The following ROBO2 variants were observed in gnomAD, a reference collection of about 807,000 sequenced individuals.
ROBO2 encodes the protein roundabout guidance receptor 2.
In ROBO2, 53 loss-of-function variants were observed where a neutral mutation model predicts 160.8. That is an observed-to-expected ratio of 0.33 (90% confidence interval 0.26 to 0.41). ROBO2 has a LOEUF of 0.41. Among genes scored for constraint, ROBO2 ranks in the 10% least tolerant of loss-of-function variants. The probability of loss-of-function intolerance (pLI) is 1.00; values close to 1 mark genes in which losing one functional copy is unlikely to be tolerated. For synonymous variants in ROBO2, 664 were observed against 611.7 expected (o/e 1.09, Z -1.26); for missense variants, 1,577 against 1,722.4 (o/e 0.92, Z 1.49).
intron 2 of ROBO2, among the ~76,000 whole-genome samples, chr3:76,478,019 T>TTTATTATTATTA (rs147308707): frequency 0.073 from 10,795 of 148,874 alleles, 487 homozygotes; most frequent in Middle Eastern, 0.096. Flanking sequence ...CCGCTACTTC[T>TTTATTATTATTA]TTATTATTAT....
intron 2 of ROBO2, among the ~76,000 whole-genome samples, chr3:75,994,195 A>G (rs1309625210): frequency 2.6e-5 from 4 of 152,212 alleles, no homozygotes; most frequent in Non-Finnish European, 4.4e-5. Flanking sequence ...TCATCAGAGC[A>G]GCTTTTTCCT....
rs566704597 is a variant in ROBO2 at position 76,748,570 on chromosome 3, A to G, written c.110-349444A>G. On this transcript the variant is annotated intron_variant, in intron 2 of 26. Transcript: ENST00000487694. ...TTAAAACATGGAAAAACAACATAAT[A>G]TATTTTGATTAATATAATTATTAAT... Among the ~76,000 whole-genome samples the G allele has an allele frequency of 6.5e-4, 99 of 151,784 alleles. 3 individuals are homozygous for G. The South Asian group carries it at 0.02, about 30-fold the overall frequency.
chr3:77,642,625 T>G (rs1009665238), intron 24 of ROBO2, 46 bp from the exon 26 acceptor site: 1 of 430,964 alleles, frequency 2.3e-6, no homozygotes, highest in African/African-American at 2.1e-5. Flanking sequence ...AACCTGTATT[T>G]TTCATTAAAT....
chr3:77,353,500 T>C (rs1299802883), intron 2 of ROBO2, among the ~76,000 whole-genome samples: 1 of 152,110 alleles, frequency 6.6e-6, no homozygotes, highest in Admixed American at 6.6e-5. Flanking sequence ...TCAAAATAGT[T>C]CTTGCATACC....
At chr3:76,485,675 G>A (rs2079453725) in intron 2 of ROBO2, among the ~76,000 whole-genome samples, 1 of 152,090 alleles carries the variant, frequency 6.6e-6, no homozygotes, top group Non-Finnish European at 1.5e-5. Context: ...TTTCTAAAAT[G>A]TTTCTCACAG....
chr3:76,700,436 T>A (rs1486319057), intron 2 of ROBO2, among the ~76,000 whole-genome samples: 2 of 152,136 alleles, frequency 1.3e-5, no homozygotes, highest in Non-Finnish European at 2.9e-5. Context: ...TGGAAAACTT[T>A]CCAGAGAGAC....
chr3:77,465,660 G>C (rs756054431), intron 2 of ROBO2, among the ~76,000 whole-genome samples: 1 of 152,126 alleles, frequency 6.6e-6, no homozygotes, highest in Non-Finnish European at 1.5e-5. Context: ...TTTGATTAAA[G>C]CATCCATGAG....
chr3:77,550,665 C>T (rs539311260), intron 7 of ROBO2, among the ~76,000 whole-genome samples, 153 bp from the exon 9 acceptor site: 9 of 152,106 alleles, frequency 5.9e-5, no homozygotes, highest in Admixed American at 2.0e-4. Flanking sequence ...TCAGTGAAAC[C>T]CACTGTGTGG....
chr3:76,534,232 G>A (rs767307991), intron 2 of ROBO2, among the ~76,000 whole-genome samples: 11 of 151,890 alleles, frequency 7.2e-5, no homozygotes, highest in Non-Finnish European at 1.0e-4. Context: ...TCAGGTCTAG[G>A]GCTCATTTTT....
At chr3:75,955,690 T>C (rs1484986886) in intron 2 of ROBO2, among the ~76,000 whole-genome samples, 7 of 151,744 alleles carry the variant, frequency 4.6e-5, no homozygotes, top group Non-Finnish European at 7.4e-5. Context: ...GTGTGCTCTA[T>C]ACACTTCATT....
At chr3:76,674,393 T>A (rs1272514750) in intron 2 of ROBO2, among the ~76,000 whole-genome samples, 4 of 151,970 alleles carry the variant, frequency 2.6e-5, no homozygotes, top group African/African-American at 9.7e-5. Flanking sequence ...ACCAGGTCAC[T>A]GTCAGCACTC....
At chr3:76,207,357 T>C (rs1174355282) in intron 2 of ROBO2, among the ~76,000 whole-genome samples, 10 of 152,190 alleles carry the variant, frequency 6.6e-5, no homozygotes, top group Non-Finnish European at 1.2e-4. Flanking sequence ...ATTCATAGTA[T>C]GACCTGGACA....
chr3:76,249,769 A>G (rs1322724609), intron 2 of ROBO2, among the ~76,000 whole-genome samples: 1 of 152,116 alleles, frequency 6.6e-6, no homozygotes, highest in East Asian at 1.9e-4. Context: ...GGAATGAGAG[A>G]GAGGAATATT....
chr3:76,424,329 C>G (rs2076121748), intron 2 of ROBO2, among the ~76,000 whole-genome samples: 1 of 152,132 alleles, frequency 6.6e-6, no homozygotes, highest in Non-Finnish European at 1.5e-5. Flanking sequence ...AATGTTTATA[C>G]ATCATTTCAT....
chr3:76,403,323 A>G (rs529391916), intron 2 of ROBO2, among the ~76,000 whole-genome samples: 2 of 151,754 alleles, frequency 1.3e-5, no homozygotes, highest in Admixed American at 6.6e-5. Flanking sequence ...CAAAATCAGT[A>G]TTTTACAGAT....
At chr3:77,288,016 G>C (rs1383323103) in intron 2 of ROBO2, among the ~76,000 whole-genome samples, 3 of 152,120 alleles carry the variant, frequency 2.0e-5, no homozygotes, top group Non-Finnish European at 4.4e-5. Context: ...AGATATTTCA[G>C]TGTACAGTAA....
intron 24 of ROBO2, 64 bp from the exon 27 acceptor site, chr3:77,644,640 G>C: frequency 2.8e-6 from 4 of 1,419,362 alleles, no homozygotes; most frequent in Middle Eastern, 2.3e-4. Flanking sequence ...ATATTCAAGA[G>C]TTAAGTTTAG....
At chr3:76,962,321 G>A (rs529380520) in intron 2 of ROBO2, among the ~76,000 whole-genome samples, 1 of 151,644 alleles carries the variant, frequency 6.6e-6, no homozygotes, top group South Asian at 2.1e-4. Context: ...GCAACAGAGC[G>A]AGATTCCATT....
At chr3:77,432,392 G>A (rs1265479601) in intron 2 of ROBO2, among the ~76,000 whole-genome samples, 3 of 152,120 alleles carry the variant, frequency 2.0e-5, no homozygotes, top group African/African-American at 4.8e-5. Flanking sequence ...GGGGCATATA[G>A]CGGTGCATGG....
Sources: allele counts gnomAD v4.1 joint callset (sites outside exome capture counted in the v4.1 genomes callset), GRCh38; gene constraint gnomAD v4.1.1; transcripts MANE v1.5; gene names NCBI Gene and HGNC (gene_info 2026-07-23, HGNC 2026-07-21).